COL21A1: variants seen among roughly 807,000 people sequenced by gnomAD.
COL21A1 encodes collagen alpha-1(XXI) chain.
In COL21A1, 149 loss-of-function variants were observed where a neutral mutation model predicts 137.9. The observed-to-expected ratio is 1.08, with a 90% CI of 0.95 to 1.24. The LOEUF (loss-of-function observed/expected upper bound fraction) is 1.24. Among genes scored for constraint, COL21A1 ranks in the 50% most tolerant of loss-of-function variants. The pLI is 0.00. For synonymous variants in COL21A1, 456 were observed against 391.5 expected (o/e 1.16, Z -1.95); for missense variants, 1,167 against 1,158.4 (o/e 1.01, Z -0.11).
intron 1 of COL21A1, among the ~76,000 whole-genome samples, chr6:56,351,941 TA>T (rs955457152): frequency 2.6e-5 from 4 of 152,034 alleles, no homozygotes; most frequent in African/African-American, 9.7e-5. Flanking sequence ...ATTTAAAAGA[TA>T]GGGGGACCAA....
chr6:56,079,836 T>G (rs1427340599), intron 17 of COL21A1, among the ~76,000 whole-genome samples: 1 of 151,664 alleles, frequency 6.6e-6, no homozygotes, highest in Non-Finnish European at 1.5e-5. Context: ...TAAGAATTAT[T>G]ACTTCTTTTA....
At chr6:56,273,730 A>G (rs1291771219) in intron 1 of COL21A1, among the ~76,000 whole-genome samples, 1 of 152,164 alleles carries the variant, frequency 6.6e-6, no homozygotes, top group Non-Finnish European at 1.5e-5. Context: ...AATTAGTAAT[A>G]ATAAACCAAA....
chr6:56,296,632 C>T (rs9475657), intron 1 of COL21A1, among the ~76,000 whole-genome samples: 46,392 of 151,804 alleles, frequency 0.31, 7,607 homozygotes, highest in Non-Finnish European at 0.36. Context: ...AGGTTTCCTC[C>T]TATGACAATA....
intron 1 of COL21A1, among the ~76,000 whole-genome samples, chr6:56,227,867 G>A (rs895705498): frequency 2.6e-5 from 4 of 151,962 alleles, no homozygotes; most frequent in Admixed American, 6.6e-5. Context: ...CCTAGTTCCT[G>A]GCTGGCTGAG....
In COL21A1 at chr6:56,304,329, C is replaced by G. The variant is rs547933461; in HGVS notation, c.-39+89642G>C. Among the ~76,000 whole-genome samples, 523 of 152,010 alleles carry G rather than the reference C, an allele frequency of 3.4e-3. 1 individual carries two copies. The highest frequency in any genetic ancestry group is 5.8e-3 in the Non-Finnish European group (395 of 67,944). On this transcript the variant is annotated intron_variant, in intron 1 of 28. Transcript: ENST00000370819. Reference sequence around the variant, plus strand: ...ATGGTACCAGCTCCTCCTTGTACCTCTGGTAGAATTCGGCTGTGAATCCAT... The same window carrying G: ...ATGGTACCAGCTCCTCCTTGTACCTGTGGTAGAATTCGGCTGTGAATCCAT...
intron 9 of COL21A1, among the ~76,000 whole-genome samples, chr6:56,157,918 C>A (rs1246711487): frequency 6.6e-6 from 1 of 152,132 alleles, no homozygotes; most frequent in Non-Finnish European, 1.5e-5. Flanking sequence ...TCCTCAAAAA[C>A]CTAAGATCTT....
At chr6:56,328,956 C>T (rs769834252) in intron 1 of COL21A1, among the ~76,000 whole-genome samples, 3 of 151,942 alleles carry the variant, frequency 2.0e-5, no homozygotes, top group Non-Finnish European at 2.9e-5. Flanking sequence ...AAGGAAGAGT[C>T]GTATAGTTCA....
intron 12 of COL21A1, among the ~76,000 whole-genome samples, chr6:56,137,120 A>G (rs62413476): frequency 0.15 from 22,863 of 152,216 alleles, 1,758 homozygotes; most frequent in Middle Eastern, 0.22. Flanking sequence ...CTTGACACAA[A>G]TGACTTAAGC....
intron 17 of COL21A1, among the ~76,000 whole-genome samples, chr6:56,085,263 TTTA>T (rs1227425214): frequency 1.3e-5 from 2 of 152,076 alleles, no homozygotes; most frequent in Non-Finnish European, 2.9e-5. Context: ...AACTAATAAA[TTTA>T]AGTTATCTAA....
At chr6:56,091,055 GT>G (rs1393857361) in intron 17 of COL21A1, among the ~76,000 whole-genome samples, 3 of 152,056 alleles carry the variant, frequency 2.0e-5, no homozygotes, top group African/African-American at 7.2e-5. Flanking sequence ...AAAAAATATA[GT>G]CAAGCAGGCA....
intron 1 of COL21A1, among the ~76,000 whole-genome samples, chr6:56,238,869 C>A (rs1321966685): frequency 1.3e-5 from 2 of 152,282 alleles, no homozygotes; most frequent in African/African-American, 4.8e-5. Context: ...ATGATAATAA[C>A]TAATTTGAAC....
At chr6:56,133,296 G>C (rs1043984403) in intron 12 of COL21A1, among the ~76,000 whole-genome samples, 1 of 152,104 alleles carries the variant, frequency 6.6e-6, no homozygotes, top group Non-Finnish European at 1.5e-5. Flanking sequence ...AGCAACTCTT[G>C]TTATGTTTTA....
intron 1 of COL21A1, among the ~76,000 whole-genome samples, chr6:56,356,886 G>A (rs1218860453): frequency 6.6e-6 from 1 of 152,114 alleles, no homozygotes; most frequent in Non-Finnish European, 1.5e-5. Flanking sequence ...AAAATGTTAT[G>A]AAATGCATCT....
At chr6:56,313,230 C>T (rs1764652525) in intron 1 of COL21A1, among the ~76,000 whole-genome samples, 1 of 151,980 alleles carries the variant, frequency 6.6e-6, no homozygotes, top group African/African-American at 2.4e-5. Context: ...AAACAGTCCT[C>T]CCTTATTTGT....
intron 10 of COL21A1, among the ~76,000 whole-genome samples, chr6:56,148,437 C>T (rs1363906577): frequency 1.3e-5 from 2 of 151,484 alleles, no homozygotes; most frequent in Non-Finnish European, 2.9e-5. Flanking sequence ...TTCAGGTAGA[C>T]ACTGTTCTAT....
At chr6:56,362,639 C>T (rs1043025156) in intron 1 of COL21A1, among the ~76,000 whole-genome samples, 1 of 152,128 alleles carries the variant, frequency 6.6e-6, no homozygotes, top group Non-Finnish European at 1.5e-5. Context: ...AGTCCACTTA[C>T]CATGAAGACA....
chr6:56,317,561 C>T (rs565589636), intron 1 of COL21A1, among the ~76,000 whole-genome samples: 24 of 152,140 alleles, frequency 1.6e-4, no homozygotes, highest in Non-Finnish European at 2.6e-4. Context: ...AATTCATTGA[C>T]CACCTTCCTC....
chr6:56,252,601 A>C (rs929088187), intron 1 of COL21A1, among the ~76,000 whole-genome samples: 3 of 152,236 alleles, frequency 2.0e-5, no homozygotes, highest in Non-Finnish European at 4.4e-5. Context: ...ACAAAGGTAT[A>C]AATATGCTAC....
chr6:56,274,137 A>C (rs1763588083), intron 1 of COL21A1, among the ~76,000 whole-genome samples: 1 of 152,140 alleles, frequency 6.6e-6, no homozygotes, highest in Non-Finnish European at 1.5e-5. Context: ...CTTATTAGAC[A>C]CAGAAAAAGC....
Sources: allele counts gnomAD v4.1 joint callset (sites outside exome capture counted in the v4.1 genomes callset), GRCh38; gene constraint gnomAD v4.1.1; transcripts MANE v1.5; gene names NCBI Gene and HGNC (gene_info 2026-07-23, HGNC 2026-07-21).